GCLC: variants seen among roughly 807,000 people sequenced by gnomAD.
The protein encoded by GCLC is glutamate--cysteine ligase catalytic subunit.
Under a neutral mutation model 81.5 loss-of-function variants are expected in GCLC, and 30 were observed. That is an observed-to-expected ratio of 0.37 (90% CI 0.28 to 0.50). The LOEUF (loss-of-function observed/expected upper bound fraction) is 0.50, where lower values mean the gene tolerates loss of function less well. GCLC is among the 20% of genes least tolerant of loss of function. The pLI is 0.96. For missense variants in GCLC, 556 were observed against 777.4 expected, an observed-to-expected ratio of 0.72 and a Z score of 3.39; for synonymous variants, 262 against 273.3, an observed-to-expected ratio of 0.96 and a Z score of 0.41.
intron 6 of GCLC, among the ~76,000 whole-genome samples, chr6:53,511,209 G>GGA (rs1253489958): frequency 6.9e-6 from 1 of 145,732 alleles, no homozygotes; most frequent in Non-Finnish European, 1.5e-5. Flanking sequence ...AGTGGGGGGG[G>GGA]GGTGCTAAAG....
intron 6 of GCLC, chr6:53,513,883 G>T: frequency 6.4e-6 from 2 of 310,384 alleles, no homozygotes; most frequent in South Asian, 4.0e-5. Flanking sequence ...TCACGAGATG[G>T]CAGTAAAAAC....
Position 53,529,983 on chromosome 6 carries a change from C to T in GCLC, c.151-7456G>A, listed in dbSNP as rs138925021. 3.6e-3 allele frequency among the ~76,000 whole-genome samples: 543 copies of T among 152,368 alleles called. 5 individuals are homozygous for T. The highest frequency in any genetic ancestry group is 0.013 in the African/African-American group (522 of 41,598). Reference sequence around the variant, plus strand: ...GCAAGAATGCACACATGATTTCCTTCTAAGGCATGTTATAAATTAGGCTGC... The same window carrying T: ...GCAAGAATGCACACATGATTTCCTTTTAAGGCATGTTATAAATTAGGCTGC... On this transcript the variant is annotated intron_variant, in intron 1 of 15. Coordinates refer to ENST00000650454, the MANE Select transcript of GCLC (RefSeq NM_001498.4).
chr6:53,522,688 A>T (rs1444659595), intron 1 of GCLC, 161 bp from the exon 2 acceptor site: 1 of 586,134 alleles, frequency 1.7e-6, no homozygotes. Flanking sequence ...GTTCATATGC[A>T]TAATATGGAA....
Position 53,507,062 on chromosome 6 carries a change from C to T in GCLC, c.1085-37G>A, listed in dbSNP as rs779913572. 1.2e-5 allele frequency: 13 copies of T among 1,073,824 alleles called. No homozygotes were observed. In the South Asian group the frequency reaches 1.3e-4, roughly 10 times the overall value. The allele number at this position is 1,073,824 out of a possible 1,614,324, so 66.5% of individuals were successfully genotyped here. Reference sequence around the variant, plus strand: ...GATCACATGGGAACTCACTGCAAAGCGAGAGATACCACTTCCTCTTAGTCC... The same window carrying T: ...GATCACATGGGAACTCACTGCAAAGTGAGAGATACCACTTCCTCTTAGTCC... On this transcript the variant is annotated intron_variant, in intron 9 of 15. Coordinates refer to ENST00000650454, the MANE Select transcript of GCLC (RefSeq NM_001498.4).
At chr6:53,521,854 G>T (rs1763003549) in intron 2 of GCLC, among the ~76,000 whole-genome samples, 1 of 152,098 alleles carries the variant, frequency 6.6e-6, no homozygotes, top group Admixed American at 6.5e-5. Flanking sequence ...GGCGCCTGTA[G>T]TCCCAGCTAC....
In GCLC at chr6:53,508,662, A is replaced by G; in HGVS notation, c.878T>C (p.Ile293Thr). 1 of 1,613,912 alleles carries G rather than the reference A, an allele frequency of 6.2e-7. No individual in the cohort carries two copies. The highest frequency in any genetic ancestry group is 1.1e-5 in the South Asian group (1 of 91,072). ...AGAAATCACTCCCCAGCGACAATCA[A>G]TGTCTGACACATAGCCTCGGTAAAA... ...SPFYRGYVSDIDCRWGVISAS... is the reference protein window; with the variant it reads ...SPFYRGYVSDTDCRWGVISAS... Residue 293 changes from isoleucine to threonine, a missense_variant, in exon 8 of 16, where the codon ATT becomes ACT. By Grantham distance (89) the Ile-to-Thr change is moderately conservative. Coordinates refer to ENST00000650454, the MANE Select transcript of GCLC (RefSeq NM_001498.4).
In GCLC at chr6:53,508,613, C is replaced by T. The variant is rs1412658271; in HGVS notation, c.927G>A (p.Arg309=). The T allele has an allele frequency of 3.1e-6, 5 of 1,608,046 alleles. No individual in the cohort carries two copies. The highest frequency in any genetic ancestry group is 4.3e-6 in the Non-Finnish European group (5 of 1,174,472). The change falls in exon 8 of 16, where the codon CGG becomes CGA. Residue 309 remains arginine (R), a synonymous_variant. Coordinates refer to ENST00000650454, the MANE Select transcript of GCLC (RefSeq NM_001498.4). The part of the protein sequence containing the change: ...VISASVDDRT[R]EERGLEPLKN... The stretch of plus-strand genomic sequence containing the variant: ...TTCCCACCTCCAGTCCTCGCTCCTC[C>T]CGAGTTCTATCATCTACAGATGCAG...
intron 12 of GCLC, chr6:53,505,172 T>C (rs1764589321): frequency 4.0e-6 from 2 of 500,936 alleles, no homozygotes; most frequent in Non-Finnish European, 7.2e-6. Flanking sequence ...ATGAAATCAA[T>C]GTGTAGGACT....
At chr6:53,522,119 G>C (rs1253807414) in intron 2 of GCLC, among the ~76,000 whole-genome samples, 1 of 152,170 alleles carries the variant, frequency 6.6e-6, no homozygotes, top group Admixed American at 6.5e-5. Flanking sequence ...TTTATATTTA[G>C]TTTACTGTAC....
rs1764424642 is a variant in GCLC at position 53,498,584 on chromosome 6, G to A, written c.*172C>T. 4.6e-6 allele frequency: 3 copies of A among 653,366 alleles called. No individual in the cohort carries two copies. Among genetic ancestry groups the A allele is most frequent in the African/African-American group, 3.6e-5 (2 of 55,352 alleles). The allele number at this position is 653,366 out of a possible 1,614,324, so 40.5% of individuals were successfully genotyped here. A position where few individuals can be genotyped will look rare whatever the true frequency, so the allele number is the denominator to read the frequency against. On this transcript the variant is annotated 3_prime_UTR_variant, in exon 16 of 16. Transcript: ENST00000650454. ...ATACTTTACTATGTACATGTACACTGTATAAACTCTAGATTTACCTACCAA... is the reference window on the plus strand; with the variant it reads ...ATACTTTACTATGTACATGTACACTATATAAACTCTAGATTTACCTACCAA...
chr6:53,507,774 A>G (rs1764644831), intron 8 of GCLC, among the ~76,000 whole-genome samples, 156 bp from the exon 9 acceptor site: 2 of 152,146 alleles, frequency 1.3e-5, no homozygotes, highest in African/African-American at 4.8e-5. Flanking sequence ...GTTTTTTAAA[A>G]TCTGAAGGCA....
At chr6:53,536,253 G>GA (rs1763255453) in intron 1 of GCLC, among the ~76,000 whole-genome samples, 1 of 152,156 alleles carries the variant, frequency 6.6e-6, no homozygotes. Flanking sequence ...TCTTAAATAT[G>GA]AAAATCTAGA....
At chr6:53,517,192 T>A (rs1423050382) in intron 3 of GCLC, among the ~76,000 whole-genome samples, 1 of 142,628 alleles carries the variant, frequency 7.0e-6, no homozygotes, top group Non-Finnish European at 1.5e-5. Flanking sequence ...GCTCAAGTCA[T>A]CCTCCTGCCT....
chr6:53,511,698 C>G lies in GCLC; in HGVS notation c.754-2448G>C, dbSNP rs181454699. Among the ~76,000 whole-genome samples, 531 of 148,298 alleles carry G rather than the reference C, an allele frequency of 3.6e-3. 5 individuals carry two copies. The highest frequency in any genetic ancestry group is 0.013 in the African/African-American group (511 of 40,238). On this transcript the variant is annotated intron_variant, in intron 6 of 15. Coordinates refer to ENST00000650454, the MANE Select transcript of GCLC (RefSeq NM_001498.4). ...ATGGAAGGAAAAAAAGTTCTTATAC[C>G]TTAAAAAGCTATGAATACATGACTA...
Position 53,506,670 on chromosome 6 carries a change from A to C in GCLC, c.1197+243T>G. ...ATACTGAACAATAAAAAAAAAAATT[A>C]GAATCAGTGAGATAAACAGTAAGAA... On this transcript the variant is annotated intron_variant, in intron 10 of 15. Coordinates refer to ENST00000650454, the MANE Select transcript of GCLC (RefSeq NM_001498.4). The surrounding 1 kb of genome is among the most constrained non-coding windows in gnomAD (Gnocchi z 4.0). 1 of 458,862 alleles carries C rather than the reference A, an allele frequency of 2.2e-6. No individual in the cohort carries two copies. Among genetic ancestry groups the C allele is most frequent in the Non-Finnish European group, 3.9e-6 (1 of 255,088 alleles). 28.4% of individuals were successfully genotyped at this position (458,862 alleles called of 1,614,324 possible).
intron 4 of GCLC, among the ~76,000 whole-genome samples, chr6:53,515,433 C>T (rs144089479): frequency 4.3e-4 from 66 of 152,338 alleles, no homozygotes; most frequent in Non-Finnish European, 8.4e-4. Context: ...TTAGAAACTA[C>T]GTCTACAAAT....
intron 3 of GCLC, among the ~76,000 whole-genome samples, chr6:53,520,572 C>T (rs1329311037): frequency 6.6e-6 from 1 of 152,206 alleles, no homozygotes; most frequent in Non-Finnish European, 1.5e-5. Context: ...GCACTCACCA[C>T]GGTGCAGCCA....
chr6:53,505,229 G>C, intron 12 of GCLC, 163 bp downstream of exon 12: 1 of 616,774 alleles, frequency 1.6e-6, no homozygotes. Flanking sequence ...TAGAAATTAA[G>C]CTTAGGTTTA....
intron 3 of GCLC, 47 bp downstream of exon 3, chr6:53,520,731 C>T (rs1031053206): frequency 6.7e-7 from 1 of 1,499,144 alleles, no homozygotes; most frequent in African/African-American, 1.4e-5. Flanking sequence ...TTTTCATTAC[C>T]TGTATCTCTG....
Sources: gnomAD v4.1 joint callset for allele counts (sites outside exome capture counted in the v4.1 genomes callset) on GRCh38, gnomAD v4.1.1 for gene constraint, Gnocchi (gnomAD v3.1) non-coding constraint, MANE v1.5 for transcripts, NCBI Gene and HGNC (gene_info 2026-07-23, HGNC 2026-07-21) for gene names.